The following HS2ST1 variants were observed in gnomAD, a reference collection of about 807,000 sequenced individuals.
HS2ST1 encodes 2-O-sulfotransferase.
HS2ST1 carries 18 observed loss-of-function variants against 42.9 expected under a neutral mutation model. The observed-to-expected ratio is 0.42, with a 90% CI of 0.29 to 0.62. The LOEUF (loss-of-function observed/expected upper bound fraction) is 0.62. Ranked by LOEUF, HS2ST1 falls within the 20% of genes least tolerant of loss-of-function variation. HS2ST1 has a pLI of 0.21. For synonymous variants in HS2ST1, 146 were observed against 152.9 expected, an observed-to-expected ratio of 0.95 and a Z score of 0.33; for missense variants, 334 against 433.8, an observed-to-expected ratio of 0.77 and a Z score of 2.04.
chr1:87,046,865 G>A (rs531662125), intron 1 of HS2ST1, among the ~76,000 whole-genome samples: 63 of 144,802 alleles, frequency 4.4e-4, no homozygotes, highest in Non-Finnish European at 8.0e-4. Flanking sequence ...CACCCACCAC[G>A]CCCAGCTGAT....
At chr1:87,104,136 A>C (rs748263656) in intron 6 of HS2ST1, among the ~76,000 whole-genome samples, 3 of 152,174 alleles carry the variant, frequency 2.0e-5, no homozygotes, top group Non-Finnish European at 2.9e-5. Flanking sequence ...GTTTGACAAT[A>C]GGTATTTTAT....
At chr1:86,992,479 G>A (rs1055292644) in intron 1 of HS2ST1, among the ~76,000 whole-genome samples, 1 of 151,872 alleles carries the variant, frequency 6.6e-6, no homozygotes, top group Non-Finnish European at 1.5e-5. Context: ...AGATTCTCCT[G>A]CCTCAGCCTC....
chr1:87,104,038 C>T (rs1570550425), intron 6 of HS2ST1, among the ~76,000 whole-genome samples: 1 of 152,144 alleles, frequency 6.6e-6, no homozygotes, highest in African/African-American at 2.4e-5. Flanking sequence ...AAGATGCAGT[C>T]ATAGGAACTC....
intron 1 of HS2ST1, among the ~76,000 whole-genome samples, chr1:87,020,336 C>T (rs1649904943): frequency 6.6e-6 from 1 of 152,148 alleles, no homozygotes; most frequent in Admixed American, 6.5e-5. Context: ...TACACTGATG[C>T]AAATGCATCT....
chr1:86,941,629 C>T (rs61802162), intron 1 of HS2ST1, among the ~76,000 whole-genome samples: 13,664 of 151,906 alleles, frequency 0.09, 711 homozygotes, highest in Non-Finnish European at 0.12. Flanking sequence ...AAAAAATTAG[C>T]CGGGCATTGT....
At chr1:86,982,765 C>T (rs549649359) in intron 1 of HS2ST1, among the ~76,000 whole-genome samples, 3 of 152,284 alleles carry the variant, frequency 2.0e-5, no homozygotes, top group East Asian at 1.9e-4. Context: ...CCTCCCACCT[C>T]GGCCTCCCAA....
chr1:86,988,608 C>T (rs568834593), intron 1 of HS2ST1, among the ~76,000 whole-genome samples: 20 of 152,308 alleles, frequency 1.3e-4, no homozygotes, highest in African/African-American at 4.3e-4. Context: ...GAATCCTCCT[C>T]CTCAATACAT....
At chr1:87,093,461 A>G (rs1205835393) in intron 4 of HS2ST1, among the ~76,000 whole-genome samples, 4 of 152,090 alleles carry the variant, frequency 2.6e-5, no homozygotes, top group South Asian at 2.1e-4. Flanking sequence ...TAGCTCAAAC[A>G]TGACCACTTC....
intron 1 of HS2ST1, among the ~76,000 whole-genome samples, chr1:86,969,376 G>A (rs1648163044): frequency 5.9e-5 from 9 of 152,126 alleles, no homozygotes. Context: ...ACTTATGGAA[G>A]TAGCTTTATA....
intron 5 of HS2ST1, among the ~76,000 whole-genome samples, chr1:87,101,149 G>GGTTTTTTTTT (rs1652189494): frequency 1.7e-5 from 1 of 59,540 alleles, no homozygotes; most frequent in Non-Finnish European, 3.0e-5. Flanking sequence ...GTGTGTGTGT[G>GGTTTTTTTTT]TTTTTTGTTT....
rs190486781 is a variant in HS2ST1 at position 86,963,265 on chromosome 1, T to G, written c.124+48105T>G. On this transcript the variant is annotated intron_variant, in intron 1 of 6. Coordinates refer to ENST00000370550, the MANE Select transcript of HS2ST1 (RefSeq NM_012262.4). ...GAGGGAAGGTCAGCAGATAAACAAGTGAACAAAGGTCTCTGGTTTTCCTAG... is the reference window on the plus strand; with the variant it reads ...GAGGGAAGGTCAGCAGATAAACAAGGGAACAAAGGTCTCTGGTTTTCCTAG... Among the ~76,000 whole-genome samples the G allele has an allele frequency of 1.4e-4, 22 of 152,120 alleles. No individual in the cohort carries two copies. In the East Asian group the frequency reaches 4.3e-3, roughly 29 times the overall value.
chr1:87,102,046 C>T (rs1652224637), intron 5 of HS2ST1, among the ~76,000 whole-genome samples: 1 of 151,682 alleles, frequency 6.6e-6, no homozygotes, highest in Non-Finnish European at 1.5e-5. Context: ...AGGACCCAGT[C>T]GTTTATTATT....
chr1:87,009,201 CCT>C (rs1649523173), intron 1 of HS2ST1, among the ~76,000 whole-genome samples: 1 of 152,206 alleles, frequency 6.6e-6, no homozygotes, highest in African/African-American at 2.4e-5. Context: ...GTCACTATTA[CCT>C]CTGTTATGTA....
intron 1 of HS2ST1, among the ~76,000 whole-genome samples, chr1:87,004,448 G>GT (rs1649379513): frequency 6.6e-6 from 1 of 152,070 alleles, no homozygotes; most frequent in African/African-American, 2.4e-5. Flanking sequence ...ATGTAGTTTG[G>GT]TTTTTTTACA....
intron 4 of HS2ST1, among the ~76,000 whole-genome samples, chr1:87,097,542 T>C (rs1199676): frequency 0.98 from 149,832 of 152,246 alleles, 73,756 homozygotes; most frequent in East Asian, 1. Context: ...TACAGGCGCG[T>C]GCTACCACGC....
At chr1:86,969,637 A>G (rs1168344329) in intron 1 of HS2ST1, among the ~76,000 whole-genome samples, 1 of 152,076 alleles carries the variant, frequency 6.6e-6, no homozygotes, top group Non-Finnish European at 1.5e-5. Flanking sequence ...AACAATTTGG[A>G]GTTGGCTTTT....
At chr1:87,026,684 G>A (rs986409467) in intron 1 of HS2ST1, among the ~76,000 whole-genome samples, 5 of 151,930 alleles carry the variant, frequency 3.3e-5, no homozygotes, top group Non-Finnish European at 5.9e-5. Context: ...CATTTCACAG[G>A]TAGACTTTTT....
intron 1 of HS2ST1, among the ~76,000 whole-genome samples, chr1:87,071,532 C>T (rs1349540777): frequency 6.6e-6 from 1 of 152,022 alleles, no homozygotes; most frequent in African/African-American, 2.4e-5. Context: ...AGTTCAAGAC[C>T]AGCCTGGCCA....
intron 1 of HS2ST1, among the ~76,000 whole-genome samples, chr1:86,952,680 C>A (rs1306589347): frequency 6.6e-6 from 1 of 152,186 alleles, no homozygotes; most frequent in Non-Finnish European, 1.5e-5. Context: ...TGTCAATGAG[C>A]AGTAACATTT....
Sources: allele counts gnomAD v4.1 joint callset (sites outside exome capture counted in the v4.1 genomes callset), GRCh38; gene constraint gnomAD v4.1.1; transcripts MANE v1.5; gene names NCBI Gene and HGNC (gene_info 2026-07-23, HGNC 2026-07-21).